ZMYND8: variants seen among roughly 807,000 people sequenced by gnomAD.
The protein encoded by ZMYND8 is MYND-type zinc finger-containing chromatin reader ZMYND8.
Under a neutral mutation model 140.8 loss-of-function variants are expected in ZMYND8, and 37 were observed. The observed-to-expected ratio is 0.26, with a 90% CI of 0.20 to 0.35. The LOEUF is 0.35. ZMYND8 is among the 10% of genes least tolerant of loss of function. The pLI is 1.00. For synonymous variants in ZMYND8, 592 were observed against 597.1 expected (o/e 0.99, Z 0.12); for missense variants, 1,068 against 1,570.0 (o/e 0.68, Z 5.40).
chr20:47,289,029 G>A (rs528429091), intron 7 of ZMYND8, among the ~76,000 whole-genome samples: 2 of 152,124 alleles, frequency 1.3e-5, no homozygotes, highest in Admixed American at 6.5e-5. Context: ...TTCAACCCAG[G>A]AGGCAGAGGT....
chr20:47,333,378 G>A (rs1449831108), intron 2 of ZMYND8, among the ~76,000 whole-genome samples: 1 of 151,912 alleles, frequency 6.6e-6, no homozygotes, highest in Non-Finnish European at 1.5e-5. Context: ...GAGGGAGGCA[G>A]ATCACTTGAG....
intron 9 of ZMYND8, 51 bp from the exon 10 acceptor site, chr20:47,282,268 T>TA (rs1270166665): frequency 2.0e-6 from 3 of 1,528,978 alleles, no homozygotes; most frequent in Non-Finnish European, 2.7e-6. Context: ...GACAGCAAGA[T>TA]ACTCACTAAA....
chr20:47,222,831 G>A (rs971588837), intron 19 of ZMYND8, among the ~76,000 whole-genome samples: 2 of 152,266 alleles, frequency 1.3e-5, no homozygotes, highest in African/African-American at 2.4e-5. Context: ...TAGAGCAAGA[G>A]CTGGCAAGCT....
chr20:47,296,527 T>C (rs1385215141), intron 4 of ZMYND8, among the ~76,000 whole-genome samples: 1 of 152,148 alleles, frequency 6.6e-6, no homozygotes, highest in Non-Finnish European at 1.5e-5. Flanking sequence ...ATGGAGAACA[T>C]GTCACCTCAA....
Position 47,210,708 on chromosome 20 carries a change from G to T in ZMYND8, c.*53C>A. 6.2e-7 allele frequency: 1 copy of T among 1,613,590 alleles called. No individual in the cohort carries two copies. The highest frequency in any genetic ancestry group is 8.5e-7 in the Non-Finnish European group (1 of 1,179,736). On this transcript the variant is annotated 3_prime_UTR_variant, in exon 23 of 23. Coordinates refer to ENST00000471951, the MANE Select transcript of ZMYND8 (RefSeq NM_001281775.3). ...TGCCTTTGTTGTTTCTTCTTTTCCT[G>T]GCGTCTGGGTTTTTCTCCCAATGGG... is the stretch of plus-strand genomic sequence containing the variant.
intron 2 of ZMYND8, among the ~76,000 whole-genome samples, chr20:47,342,839 T>C (rs1296237718): frequency 1.6e-5 from 2 of 121,616 alleles, no homozygotes; most frequent in African/African-American, 6.6e-5. Flanking sequence ...AGAGCAAGAC[T>C]ACATCTCAAA....
chr20:47,284,440 G>C (rs953832640), intron 8 of ZMYND8, among the ~76,000 whole-genome samples: 6 of 152,146 alleles, frequency 3.9e-5, no homozygotes, highest in Non-Finnish European at 7.3e-5. Context: ...GTACACAATA[G>C]TCCCTGCAAC....
rs1423287395 is a variant in ZMYND8, at chr20:47,273,139, C to A, written c.1480+3175G>T. On this transcript the variant is annotated intron_variant, in intron 11 of 22. Transcript: ENST00000471951. ...CCTCTTAGTCTGTAATAGTGGTTGGCAAACTATAGCTCAAGGGTCAAATTG... is the reference window on the plus strand; with the variant it reads ...CCTCTTAGTCTGTAATAGTGGTTGGAAAACTATAGCTCAAGGGTCAAATTG... Among the ~76,000 whole-genome samples the A allele has an allele frequency of 2.0e-5, 3 of 152,146 alleles. No homozygotes were observed. The East Asian group carries it at 5.8e-4, about 29-fold the overall frequency.
chr20:47,268,531 G>A (rs1009432283), intron 11 of ZMYND8, among the ~76,000 whole-genome samples: 13 of 151,228 alleles, frequency 8.6e-5, no homozygotes, highest in African/African-American at 2.9e-4. Flanking sequence ...CTGACCTCGT[G>A]ATCCGCCCGC....
At chr20:47,324,738 T>C (rs1569201502) in intron 2 of ZMYND8, among the ~76,000 whole-genome samples, 1 of 152,068 alleles carries the variant, frequency 6.6e-6, no homozygotes, top group Non-Finnish European at 1.5e-5. Flanking sequence ...CCCCTTCATC[T>C]ATAATGTTCT....
intron 9 of ZMYND8, 143 bp from the exon 10 acceptor site, chr20:47,282,360 G>T: frequency 1.6e-6 from 1 of 629,436 alleles, no homozygotes; most frequent in Non-Finnish European, 2.7e-6. Context: ...CGGCCTGTGT[G>T]GTATTCCCTA....
At chr20:47,262,822 C>A (rs1206217497) in intron 11 of ZMYND8, among the ~76,000 whole-genome samples, 1 of 152,176 alleles carries the variant, frequency 6.6e-6, no homozygotes, top group Admixed American at 6.5e-5. Flanking sequence ...AAATGCGTAT[C>A]ATCTGTTTGT....
chr20:47,294,576 T>C, intron 5 of ZMYND8, 90 bp downstream of exon 5: 1 of 1,220,590 alleles, frequency 8.2e-7, no homozygotes, highest in Non-Finnish European at 1.2e-6. Context: ...AAAGAATACA[T>C]CAGGTACCTA....
chr20:47,333,743 A>AAAAAAAAAAAAC (rs2081162235), intron 2 of ZMYND8, among the ~76,000 whole-genome samples: 3 of 142,448 alleles, frequency 2.1e-5, no homozygotes, highest in African/African-American at 8.7e-5. Context: ...AAAAAAAAAA[A>AAAAAAAAAAAAC]AAAAAAAAAA....
chr20:47,285,061 C>CT (rs2076836227), intron 8 of ZMYND8, among the ~76,000 whole-genome samples: 1 of 152,066 alleles, frequency 6.6e-6, no homozygotes, highest in Non-Finnish European at 1.5e-5. Flanking sequence ...TAAGTATTAA[C>CT]TCATTGTATT....
At chr20:47,292,019 G>A in intron 5 of ZMYND8, 131 bp from the exon 6 acceptor site, 1 of 690,790 alleles carries the variant, frequency 1.4e-6, no homozygotes, top group East Asian at 3.3e-5. Context: ...TTCCATAAAG[G>A]ATGACCGTGG....
intron 2 of ZMYND8, among the ~76,000 whole-genome samples, chr20:47,343,321 G>C (rs1177959260): frequency 3.3e-5 from 5 of 152,144 alleles, no homozygotes; most frequent in Admixed American, 3.3e-4. Flanking sequence ...GATGGAGTCT[G>C]TCAAGGGGAC....
intron 12 of ZMYND8, among the ~76,000 whole-genome samples, chr20:47,256,213 C>T (rs868123513): frequency 3.3e-5 from 5 of 152,056 alleles, no homozygotes; most frequent in African/African-American, 9.7e-5. Flanking sequence ...GGCATGGTGG[C>T]TCATGCCTGT....
At chr20:47,232,109 G>A (rs576607108) in intron 16 of ZMYND8, among the ~76,000 whole-genome samples, 15 of 152,182 alleles carry the variant, frequency 9.9e-5, no homozygotes, top group African/African-American at 3.6e-4. Context: ...AGTGGCTCAC[G>A]CCTATAATCC....
Sources: gnomAD v4.1 joint callset for allele counts (sites outside exome capture counted in the v4.1 genomes callset) on GRCh38, gnomAD v4.1.1 for gene constraint, MANE v1.5 for transcripts, NCBI Gene and HGNC (gene_info 2026-07-23, HGNC 2026-07-21) for gene names.